DGKQ: variants seen among roughly 807,000 people sequenced by gnomAD.
The protein encoded by DGKQ is DAG kinase theta.
In DGKQ, 97 loss-of-function variants were observed where a neutral mutation model predicts 104.2. The observed-to-expected ratio is 0.93, with a 90% CI of 0.79 to 1.10. The LOEUF (loss-of-function observed/expected upper bound fraction) is 1.10. Among genes scored for constraint, DGKQ ranks in the 50% least tolerant of loss-of-function variants. The pLI is 0.00. For missense variants in DGKQ, 1,465 were observed against 1,352.1 expected (o/e 1.08, Z -1.31); for synonymous variants, 736 against 595.2 (o/e 1.24, Z -3.44).
chr4:973,565 C>T lies in DGKQ; in HGVS notation c.-83G>A, dbSNP rs1577494794. 2.0e-6 allele frequency: 2 copies of T among 979,870 alleles called. No individual in the cohort carries two copies. The highest frequency in any genetic ancestry group is 2.4e-6 in the Non-Finnish European group (2 of 825,278). 60.7% of individuals were successfully genotyped at this position (979,870 alleles called of 1,614,324 possible). On this transcript the variant is annotated 5_prime_UTR_variant, in exon 1 of 23. Coordinates refer to ENST00000273814, the MANE Select transcript of DGKQ (RefSeq NM_001347.4). ...GCTCCACGGCCCGGTACACTGCTTC[C>T]GACTGCGCCTGCCCCACTGCGCAGG...
rs1161844834 is a variant in DGKQ, at chr4:973,348, G to GGGTCCC, written c.129_134dup (p.Gly44_Pro45dup). The GGGTCCC allele has an allele frequency of 6.8e-6, 9 of 1,319,946 alleles. No individual in the cohort carries two copies. The highest frequency in any genetic ancestry group is 8.8e-6 in the Non-Finnish European group (9 of 1,027,908). 81.8% of individuals were successfully genotyped at this position (1,319,946 alleles called of 1,614,324 possible). A position where few individuals can be genotyped will look rare whatever the true frequency, so the allele number is the denominator to read the frequency against. On this transcript the variant is annotated inframe_insertion, in exon 1 of 23. Coordinates refer to ENST00000273814, the MANE Select transcript of DGKQ (RefSeq NM_001347.4). ...CCGGGGCTCTGACGCCCGCCCGCTC[G>GGGTCCC]GGTCCCGGCCCCGGCCCCGGCCCCG...
chr4:970,408 C>T (rs1232076962), intron 2 of DGKQ, among the ~76,000 whole-genome samples: 1 of 152,238 alleles, frequency 6.6e-6, no homozygotes, highest in East Asian at 1.9e-4. Flanking sequence ...GGGAAGTCCC[C>T]TGTGCCCTGC....
Position 961,712 on chromosome 4 carries a change from C to T in DGKQ, c.2438G>A (p.Gly813Asp). 1 of 1,612,698 alleles carries T rather than the reference C, an allele frequency of 6.2e-7. No individual in the cohort carries two copies. Among genetic ancestry groups the T allele is most frequent in the Non-Finnish European group, 8.5e-7 (1 of 1,179,932 alleles). Residue 813 changes from glycine to aspartate, a missense_variant, in exon 20 of 23, where the codon GGC (glycine) becomes GAC (aspartate). Gly to Asp is a moderately conservative substitution (Grantham distance 94). Coordinates refer to ENST00000273814, the MANE Select transcript of DGKQ (RefSeq NM_001347.4). The stretch of plus-strand genomic sequence containing the variant: ...CCTGGGGATGTTGATGAAGATGAGG[C>T]CTTCAATACTGGGCAGCTCCACCTC... ...RQEVELPSIE[G>D]LIFINIPSWG... is the part of the protein sequence containing the mutation.
rs1054649402 is a variant in DGKQ at position 961,298 on chromosome 4, G to C, written c.2575-97C>G. 72 of 1,210,356 alleles carry C rather than the reference G, an allele frequency of 5.9e-5. 1 individual carries two copies. The highest frequency in any genetic ancestry group is 3.6e-4 in the Admixed American group (12 of 33,150). 75.0% of individuals were successfully genotyped at this position (1,210,356 alleles called of 1,614,324 possible). A position where few individuals can be genotyped will look rare whatever the true frequency, so the allele number is the denominator to read the frequency against. Reference sequence around the variant, plus strand: ...GAGAGGCCAGCCGAGCAGGGACCAGGGACGCCCACCCTGGACCTGGCCCTG... The same window carrying C: ...GAGAGGCCAGCCGAGCAGGGACCAGCGACGCCCACCCTGGACCTGGCCCTG... On this transcript the variant is annotated intron_variant, in intron 21 of 22. Coordinates refer to ENST00000273814, the MANE Select transcript of DGKQ (RefSeq NM_001347.4).
chr4:966,274 T>G (rs1052348281), intron 12 of DGKQ, 192 bp downstream of exon 12: 1 of 824,620 alleles, frequency 1.2e-6, no homozygotes, highest in Admixed American at 2.6e-5. Context: ...CTCGAGGACC[T>G]CGGGGAGATC....
chr4:972,922 C>T (rs1308306648), intron 1 of DGKQ, among the ~76,000 whole-genome samples: 1 of 152,236 alleles, frequency 6.6e-6, no homozygotes, highest in African/African-American at 2.4e-5. Context: ...GGAAGCCGGC[C>T]ATGGGGACCC....
chr4:969,058 G>A, intron 2 of DGKQ, 148 bp from the exon 3 acceptor site: 1 of 548,150 alleles, frequency 1.8e-6, no homozygotes, highest in Non-Finnish European at 3.2e-6. Flanking sequence ...GGAGGCCCCA[G>A]GAACAACCAC....
chr4:966,321 C>A (rs998934976), intron 12 of DGKQ, 145 bp downstream of exon 12: 1 of 959,384 alleles, frequency 1.0e-6, no homozygotes, highest in Non-Finnish European at 1.6e-6. Flanking sequence ...CCAAGTAGCT[C>A]ATGACGAGGG....
Position 971,285 on chromosome 4 carries a change from C to T in DGKQ, c.272-213G>A, listed in dbSNP as rs1277726569. Among the ~76,000 whole-genome samples the T allele has an allele frequency of 6.6e-6, 1 of 152,198 alleles. No individual in the cohort carries two copies. Among genetic ancestry groups the T allele is most frequent in the Non-Finnish European group, 1.5e-5 (1 of 68,046 alleles). On this transcript the variant is annotated intron_variant, in intron 1 of 22. Coordinates refer to ENST00000273814, the MANE Select transcript of DGKQ (RefSeq NM_001347.4). This position sits in a 1 kb window ranked among gnomAD's most constrained non-coding sequence, Gnocchi z 4.0. ...CAAGAACCTGGGTGGTCCTGACCAT[C>T]CTGGAGGACAATGAGTGTATCCTCT... is the stretch of plus-strand genomic sequence containing the variant.
At chr4:964,594 T>A (rs1034175044) in intron 15 of DGKQ, among the ~76,000 whole-genome samples, 1 of 151,724 alleles carries the variant, frequency 6.6e-6, no homozygotes, top group East Asian at 2.0e-4. Context: ...CCCTGCCCTG[T>A]TGCCAGGTGC....
intron 3 of DGKQ, 88 bp downstream of exon 3, chr4:968,722 CT>C (rs1712678941): frequency 2.1e-6 from 3 of 1,396,666 alleles, no homozygotes; most frequent in South Asian, 1.3e-5. Context: ...CCCATCACCC[CT>C]GACAAGCTGC....
chr4:967,484 T>A (rs1229959594), intron 8 of DGKQ, 65 bp downstream of exon 8: 1 of 1,534,788 alleles, frequency 6.5e-7, no homozygotes, highest in Non-Finnish European at 8.9e-7. Flanking sequence ...CCAGGTCAGG[T>A]GCGCCAGGTG....
At position 971,035 on chromosome 4, in the gene DGKQ, G is replaced by A. The variant is rs552664673; in HGVS notation, c.309C>T (p.His103=). ...CCACACTCGTGCACGGGATCCTCAC[G>A]TGCTTCAGGCACTTCTCATGAGACA... The part of the protein sequence containing the change: ...NFMSHEKCLK[H]VRIPCTSVAP... The change falls in exon 2 of 23, where the codon CAC becomes CAT. Residue 103 remains histidine, a synonymous_variant. Coordinates refer to ENST00000273814, the MANE Select transcript of DGKQ (RefSeq NM_001347.4). This position sits in a 1 kb window ranked among gnomAD's most constrained non-coding sequence, Gnocchi z 4.0. 1.3e-5 allele frequency: 20 copies of A among 1,556,946 alleles called. No homozygotes were observed. The East Asian group carries it at 1.4e-4, about 11-fold the overall frequency.
intron 15 of DGKQ, among the ~76,000 whole-genome samples, chr4:964,949 C>T (rs1380775773): frequency 6.6e-6 from 1 of 152,104 alleles, no homozygotes; most frequent in Non-Finnish European, 1.5e-5. Flanking sequence ...CTCGGATGAG[C>T]GCTGACCCTC....
intron 21 of DGKQ, 118 bp downstream of exon 21, chr4:961,349 G>C (rs1048097080): frequency 1.6e-5 from 20 of 1,288,572 alleles, no homozygotes; most frequent in Non-Finnish European, 1.6e-5. Context: ...GCCGGGCTCA[G>C]CGGGGACCGG....
intron 1 of DGKQ, among the ~76,000 whole-genome samples, chr4:972,553 CAGAGG>C (rs1713014913): frequency 1.3e-5 from 2 of 148,896 alleles, no homozygotes; most frequent in African/African-American, 5.2e-5. Flanking sequence ...TCGCTCCCTC[CAGAGG>C]CTGGGCTGTG....
Position 965,039 on chromosome 4 carries a change from AG to A in DGKQ, c.1734+136del, listed in dbSNP as rs1712193260. On this transcript the variant is annotated intron_variant, in intron 15 of 22. Transcript: ENST00000273814. ...AGGCACAAACAAGGTGGCACCTACA[AG>A]CCCCCAGTGAATTCAAGGAAGTGAT... 3 of 672,398 alleles carry A rather than the reference AG, an allele frequency of 4.5e-6. No individual in the cohort carries two copies. The South Asian group carries it at 5.3e-5, about 12-fold the overall frequency. 41.7% of individuals were successfully genotyped at this position (672,398 alleles called of 1,614,324 possible).
rs774649192 is a variant in DGKQ, at chr4:966,935, G to A, written c.1311+29C>T. 4.3e-5 allele frequency: 67 copies of A among 1,550,648 alleles called. No individual in the cohort carries two copies. In the Middle Eastern group the frequency reaches 6.9e-4, roughly 16 times the overall value. ...CAGCGACCCCCCACCGAGTCTGGCC[G>A]GCATGGGGAGCAGGCACAGGGTACG... On this transcript the variant is annotated intron_variant, in intron 10 of 22. Transcript: ENST00000273814.
chr4:969,989 A>T (rs1477178613), intron 2 of DGKQ, among the ~76,000 whole-genome samples: 2 of 152,284 alleles, frequency 1.3e-5, no homozygotes, highest in African/African-American at 4.8e-5. Context: ...AGCAAAGTAT[A>T]GAAGACATTA....
Sources: allele counts gnomAD v4.1 joint callset (sites outside exome capture counted in the v4.1 genomes callset), GRCh38; gene constraint gnomAD v4.1.1; non-coding constraint Gnocchi (gnomAD v3.1); transcripts MANE v1.5; gene names NCBI Gene and HGNC (gene_info 2026-07-23, HGNC 2026-07-21).